The following CALCOCO2 variants were observed in gnomAD, a reference collection of about 807,000 sequenced individuals.
CALCOCO2 encodes the protein calcium binding and coiled-coil domain 2, also known as calcium-binding and coiled-coil domain-containing protein 2.
A neutral mutation model predicts 62.5 loss-of-function variants in CALCOCO2; 42 were observed. That is an observed-to-expected ratio of 0.67 (90% CI 0.53 to 0.87). The LOEUF (loss-of-function observed/expected upper bound fraction) is 0.87. CALCOCO2 is among the 40% of genes least tolerant of loss of function. The pLI is 0.00. For missense variants in CALCOCO2, 456 were observed against 515.0 expected (o/e 0.89, Z 1.11); for synonymous variants, 167 against 173.0 (o/e 0.97, Z 0.27).
chr17:48,836,048 G>A (rs1171251965), intron 1 of CALCOCO2, among the ~76,000 whole-genome samples: 2 of 152,170 alleles, frequency 1.3e-5, no homozygotes, highest in Non-Finnish European at 2.9e-5. Context: ...ACGGCACACG[G>A]CCAGATTGGT....
chr17:48,831,424 C>T (rs749220055), intron 1 of CALCOCO2: 1 of 152,308 alleles, frequency 6.6e-6, no homozygotes, highest in African/African-American at 2.4e-5. Context: ...CCCGCGGGCC[C>T]AGGCTGTGGT....
Position 48,863,198 on chromosome 17 carries a change from G to GCAGCAGGAT in CALCOCO2, c.*193_*194insCAGCAGGAT. On this transcript the variant is annotated 3_prime_UTR_variant, in exon 13 of 13. Transcript: ENST00000258947. ...AAGGGCTTCTGCTGCCATCCTTGTG[G>GCAGCAGGAT]GTTGCTACCTTTAAGTCGCATAACT... The GCAGCAGGAT allele has an allele frequency of 3.6e-6, 2 of 554,148 alleles. No homozygotes were observed. The highest frequency in any genetic ancestry group is 4.0e-5 in the South Asian group (2 of 49,886). The allele number at this position is 554,148 out of a possible 1,614,324, so 34.3% of individuals were successfully genotyped here. A position where few individuals can be genotyped will look rare whatever the true frequency, so the allele number is the denominator to read the frequency against.
chr17:48,836,047 G>A (rs970230472), intron 1 of CALCOCO2, among the ~76,000 whole-genome samples: 3 of 152,090 alleles, frequency 2.0e-5, no homozygotes, highest in Non-Finnish European at 4.4e-5. Flanking sequence ...CACGGCACAC[G>A]GCCAGATTGG....
chr17:48,860,336 G>T lies in CALCOCO2; in HGVS notation c.1031G>T (p.Arg344Ile). The change falls in exon 11 of 13, where the codon AGA (arginine) becomes ATA (isoleucine). Residue 344 changes from arginine (R) to isoleucine (I), a missense_variant. Physicochemically the swap from Arg to Ile is moderately conservative, Grantham distance 97 (BLOSUM62 -3). This residue lies in a region of CALCOCO2 where 172 missense variants were observed against 210.3 expected (regional missense o/e 0.82). Coordinates refer to ENST00000258947, the MANE Select transcript of CALCOCO2 (RefSeq NM_005831.5). ...ENDLLKRENSRLLSYMGLDFN... is the reference protein window; with the variant it reads ...ENDLLKRENSILLSYMGLDFN... Reference sequence around the variant, plus strand: ...TAGCTTTTGAAGAGGGAGAACAGCAGATTGCTCAGTTACATGGGTCTGGAT... The same window carrying T: ...TAGCTTTTGAAGAGGGAGAACAGCATATTGCTCAGTTACATGGGTCTGGAT... 1 of 1,613,780 alleles carries T rather than the reference G, an allele frequency of 6.2e-7. No individual in the cohort carries two copies. The highest frequency in any genetic ancestry group is 1.1e-5 in the South Asian group (1 of 91,064).
chr17:48,859,688 A>G (rs1386355794), intron 10 of CALCOCO2, among the ~76,000 whole-genome samples: 2 of 152,210 alleles, frequency 1.3e-5, no homozygotes, highest in Non-Finnish European at 2.9e-5. Flanking sequence ...GTGTTAATAT[A>G]GCTCCTGCCA....
intron 1 of CALCOCO2, among the ~76,000 whole-genome samples, chr17:48,833,934 G>C (rs558516353): frequency 6.6e-6 from 1 of 152,026 alleles, no homozygotes; most frequent in Non-Finnish European, 1.5e-5. Flanking sequence ...TTCAAGACCA[G>C]CCTGGGCAAC....
At position 48,856,081 on chromosome 17, in the gene CALCOCO2, A is replaced by G. The variant is rs370175978; in HGVS notation, c.913-11A>G. 1.2e-5 allele frequency: 17 copies of G among 1,469,166 alleles called. No individual in the cohort carries two copies. Among genetic ancestry groups the G allele is most frequent in the Non-Finnish European group, 1.6e-5 (17 of 1,056,364 alleles). 91.0% of individuals were successfully genotyped at this position (1,469,166 alleles called of 1,614,324 possible). ...TGTGATCCTAATCCTAATTTTTTTT[A>G]TTGTTGACAGGATGAAAACTTTGAC... On this transcript the variant is annotated splice_polypyrimidine_tract_variant and intron_variant, in intron 9 of 12. Coordinates refer to ENST00000258947, the MANE Select transcript of CALCOCO2 (RefSeq NM_005831.5).
chr17:48,848,811 C>T (rs1475923189), intron 4 of CALCOCO2: 1 of 493,198 alleles, frequency 2.0e-6, no homozygotes, highest in Admixed American at 2.3e-5. Context: ...TTCTGGCCTA[C>T]AGCCTGTCTG....
At chr17:48,855,411 G>A (rs1385274066) in intron 9 of CALCOCO2, among the ~76,000 whole-genome samples, 1 of 152,166 alleles carries the variant, frequency 6.6e-6, no homozygotes, top group Admixed American at 6.5e-5. Context: ...TTGGGCACCA[G>A]CATTCAAATA....
intron 10 of CALCOCO2, among the ~76,000 whole-genome samples, chr17:48,859,652 T>C (rs919550068): frequency 6.6e-5 from 10 of 152,124 alleles, no homozygotes; most frequent in South Asian, 2.1e-4. Context: ...AGTTTCAACG[T>C]TAATATACCT....
intron 2 of CALCOCO2, chr17:48,846,055 C>G: frequency 6.7e-7 from 1 of 1,485,746 alleles, no homozygotes; most frequent in Non-Finnish European, 9.1e-7. Context: ...TCAGACTATT[C>G]AACTCCTCAT....
intron 1 of CALCOCO2, 72 bp downstream of exon 1, chr17:48,831,150 G>A (rs2039805172): frequency 6.6e-6 from 1 of 152,474 alleles, no homozygotes; most frequent in East Asian, 1.9e-4. Flanking sequence ...GTCCTGAGAA[G>A]GGGCCACGGG....
At chr17:48,846,749 C>T (rs570314250) in intron 2 of CALCOCO2, among the ~76,000 whole-genome samples, 1 of 152,264 alleles carries the variant, frequency 6.6e-6, no homozygotes, top group East Asian at 1.9e-4. Context: ...TTGGTATAGA[C>T]TTTTCAACCC....
At chr17:48,845,273 A>C (rs2040032421) in intron 2 of CALCOCO2, among the ~76,000 whole-genome samples, 1 of 151,702 alleles carries the variant, frequency 6.6e-6, no homozygotes, top group African/African-American at 2.4e-5. Context: ...AAAGCTATTG[A>C]CTTGAATACC....
At chr17:48,852,111 C>T (rs2040141270) in intron 7 of CALCOCO2, among the ~76,000 whole-genome samples, 1 of 149,672 alleles carries the variant, frequency 6.7e-6, no homozygotes, top group African/African-American at 2.5e-5. Flanking sequence ...GCACTCCAGC[C>T]TGGGTGACAG....
At position 48,860,379 on chromosome 17, in the gene CALCOCO2, T is replaced by C; in HGVS notation, c.1074T>C (p.Tyr358=). The C allele has an allele frequency of 6.2e-7, 1 of 1,613,682 alleles. No individual in the cohort carries two copies. The highest frequency in any genetic ancestry group is 8.5e-7 in the Non-Finnish European group (1 of 1,179,552). The change falls in exon 11 of 13, where the codon TAT becomes TAC. Residue 358 remains tyrosine, a synonymous_variant. Coordinates refer to ENST00000258947, the MANE Select transcript of CALCOCO2 (RefSeq NM_005831.5). ...GTCTGGATTTTAATTCTTTGCCGTATCAAGTACCTACTTCAGATGAAGGAG... is the reference window on the plus strand; with the variant it reads ...GTCTGGATTTTAATTCTTTGCCGTACCAAGTACCTACTTCAGATGAAGGAG... ...YMGLDFNSLP[Y]QVPTSDEGGA...
intron 11 of CALCOCO2, among the ~76,000 whole-genome samples, chr17:48,861,729 T>A (rs926278001): frequency 1.5e-4 from 23 of 150,022 alleles, no homozygotes. Flanking sequence ...AATTTTCATT[T>A]GTAATTTTAT....
Position 48,849,335 on chromosome 17 carries a change from G to C in CALCOCO2, c.501G>C (p.Gln167His). The change falls in exon 5 of 13, where the codon CAG (glutamine) becomes CAC (histidine). Residue 167 changes from glutamine (Q) to histidine (H), a missense_variant. Gln to His is a conservative substitution (Grantham distance 24). Coordinates refer to ENST00000258947, the MANE Select transcript of CALCOCO2 (RefSeq NM_005831.5). ...TGAAGGACAGCTGTATCAGCCTCCA[G>C]AAGCAGAACTCAGACATGCAGGCTG... ...QELKDSCISL[Q>H]KQNSDMQAEL... 6.2e-7 allele frequency: 1 copy of C among 1,613,868 alleles called. No homozygotes were observed. The highest frequency in any genetic ancestry group is 8.5e-7 in the Non-Finnish European group (1 of 1,179,880).
At chr17:48,843,561 G>A (rs929323728) in intron 2 of CALCOCO2, among the ~76,000 whole-genome samples, 1 of 152,214 alleles carries the variant, frequency 6.6e-6, no homozygotes, top group Non-Finnish European at 1.5e-5. Flanking sequence ...GAAGCTGGAG[G>A]TAACAAGACT....
Sources: allele counts gnomAD v4.1 joint callset (sites outside exome capture counted in the v4.1 genomes callset), GRCh38; gene constraint gnomAD v4.1.1; regional missense constraint gnomAD v4.1.1; transcripts MANE v1.5; gene names NCBI Gene and HGNC (gene_info 2026-07-23, HGNC 2026-07-21).